The following PLPPR1 variants were observed in gnomAD, a reference collection of about 807,000 sequenced individuals.
The protein encoded by PLPPR1 is phospholipid phosphatase-related protein type 1.
PLPPR1 carries 10 observed loss-of-function variants against 33.1 expected under a neutral mutation model. The observed-to-expected ratio is 0.30, with a 90% CI of 0.19 to 0.51. PLPPR1 has a LOEUF of 0.51. Ranked by LOEUF, PLPPR1 falls within the 20% of genes least tolerant of loss-of-function variation. PLPPR1 has a pLI of 0.97. For missense variants in PLPPR1, 304 were observed against 408.1 expected (o/e 0.74, Z 2.20); for synonymous variants, 151 against 151.0 (o/e 1.00, Z 0.00).
chr9:101,140,008 G>A (rs1449085613), intron 1 of PLPPR1, among the ~76,000 whole-genome samples: 2 of 152,172 alleles, frequency 1.3e-5, no homozygotes, highest in Non-Finnish European at 2.9e-5. Context: ...AGTGGAATAA[G>A]CATCTGCCAC....
At chr9:101,293,325 G>A (rs1191559950) in intron 4 of PLPPR1, among the ~76,000 whole-genome samples, 6 of 151,602 alleles carry the variant, frequency 4.0e-5, no homozygotes, top group Non-Finnish European at 7.4e-5. Flanking sequence ...GACCTACAAG[G>A]AGACTTAGAC....
chr9:101,074,506 C>G (rs186549027), intron 1 of PLPPR1, among the ~76,000 whole-genome samples: 1 of 152,232 alleles, frequency 6.6e-6, no homozygotes, highest in African/African-American at 2.4e-5. Context: ...GAATAAGCAT[C>G]AAGGCTCTGT....
At chr9:101,029,728 G>C (rs1376018353) in intron 1 of PLPPR1, among the ~76,000 whole-genome samples, 2 of 152,160 alleles carry the variant, frequency 1.3e-5, no homozygotes, top group Admixed American at 6.5e-5. Context: ...GGTCAGTGCG[G>C]GGATAAATGA....
rs1159925949 is a variant in PLPPR1, at chr9:101,312,859, T to A, written c.698T>A (p.Leu233His). Residue 233 changes from leucine (L) to histidine (H), a missense_variant, in exon 6 of 8, where the codon CTC (leucine) becomes CAC (histidine). Physicochemically the swap from Leu to His is moderately conservative, Grantham distance 99. Coordinates refer to ENST00000374874, the MANE Select transcript of PLPPR1 (RefSeq NM_207299.2). ...CGACTGGCCAAGCCGGTGCTGTGCCTCGGAACTCTCTGCACAGCCTTCCTG... is the reference window on the plus strand; with the variant it reads ...CGACTGGCCAAGCCGGTGCTGTGCCACGGAACTCTCTGCACAGCCTTCCTG... ...SSRLAKPVLC[L>H]GTLCTAFLTG... The A allele has an allele frequency of 1.5e-5, 24 of 1,614,126 alleles. No homozygotes were observed. Among genetic ancestry groups the A allele is most frequent in the Non-Finnish European group, 2.0e-5 (24 of 1,179,996 alleles).
At chr9:101,163,115 A>G (rs1825791070) in intron 1 of PLPPR1, among the ~76,000 whole-genome samples, 1 of 152,186 alleles carries the variant, frequency 6.6e-6, no homozygotes, top group South Asian at 2.1e-4. Flanking sequence ...TAAGTAATTA[A>G]TGATCTTTTT....
chr9:101,120,166 T>C (rs1431288543), intron 1 of PLPPR1, among the ~76,000 whole-genome samples: 3 of 152,254 alleles, frequency 2.0e-5, no homozygotes, highest in East Asian at 1.9e-4. Flanking sequence ...AAAATAATCA[T>C]CTGCCACATA....
At chr9:101,125,650 CA>C (rs1243211973) in intron 1 of PLPPR1, 1 of 586,452 alleles carries the variant, frequency 1.7e-6, no homozygotes, top group Non-Finnish European at 3.2e-6. Context: ...AGTTGTTGAT[CA>C]TGGCAATTCA....
intron 2 of PLPPR1, among the ~76,000 whole-genome samples, chr9:101,215,366 G>A (rs543502617): frequency 6.6e-6 from 1 of 152,064 alleles, no homozygotes; most frequent in Non-Finnish European, 1.5e-5. Flanking sequence ...TGCAACCTCC[G>A]CCTCCCGGGT....
rs1479286575 is a variant in PLPPR1, at chr9:101,246,091, T to TAG, written c.64-23788_64-23787insGA. ...ATATATATATATATATATATATATA[T>TAG]ATATATATATATATATATAGATAGA... On this transcript the variant is annotated intron_variant, in intron 2 of 7. Transcript: ENST00000374874. Among the ~76,000 whole-genome samples, 575 of 110,028 alleles carry TAG rather than the reference T, an allele frequency of 5.2e-3. 7 individuals are homozygous for TAG. The highest frequency in any genetic ancestry group is 0.011 in the African/African-American group (366 of 32,082). The allele number at this position is 110,028 out of a possible 152,430, so 72.2% of individuals were successfully genotyped here.
rs1033618675 is a variant in PLPPR1 at position 101,185,576 on chromosome 9, C to T, written c.63+19C>T. The stretch of plus-strand genomic sequence containing the variant: ...TGTTGAGGTATGTGTATTTTTTAAC[C>T]TTTATGGACAAATTGAAATAAAAGT... On this transcript the variant is annotated intron_variant, in intron 2 of 7. Transcript: ENST00000374874. 2 of 1,499,160 alleles carry T rather than the reference C, an allele frequency of 1.3e-6. No homozygotes were observed. The highest frequency in any genetic ancestry group is 1.4e-5 in the African/African-American group (1 of 71,716). 92.9% of individuals were successfully genotyped at this position (1,499,160 alleles called of 1,614,324 possible).
chr9:101,182,712 G>A (rs1194119976), intron 1 of PLPPR1, among the ~76,000 whole-genome samples: 1 of 151,574 alleles, frequency 6.6e-6, no homozygotes, highest in East Asian at 1.9e-4. Flanking sequence ...AAATTAAAAC[G>A]TAAGCAAAAG....
intron 1 of PLPPR1, among the ~76,000 whole-genome samples, chr9:101,174,989 C>A (rs1825996690): frequency 6.6e-6 from 1 of 152,156 alleles, no homozygotes; most frequent in South Asian, 2.1e-4. Context: ...TAATGAGCTT[C>A]AAGTACATAA....
intron 1 of PLPPR1, among the ~76,000 whole-genome samples, chr9:101,142,110 C>T (rs1055826557): frequency 1.3e-5 from 2 of 152,146 alleles, no homozygotes; most frequent in African/African-American, 4.8e-5. Flanking sequence ...CAACTTTCTC[C>T]TTCACCAAGA....
chr9:101,218,269 G>C (rs1411161658), intron 2 of PLPPR1, among the ~76,000 whole-genome samples: 2 of 152,248 alleles, frequency 1.3e-5, no homozygotes, highest in African/African-American at 2.4e-5. Flanking sequence ...TAAGTGGAAA[G>C]AATAAGCAAT....
chr9:101,303,485 G>A (rs1182663579), intron 4 of PLPPR1, among the ~76,000 whole-genome samples: 1 of 152,052 alleles, frequency 6.6e-6, no homozygotes, highest in Non-Finnish European at 1.5e-5. Context: ...ATTTTTAGTA[G>A]AGACAGGATT....
chr9:101,226,393 G>A (rs889329044), intron 2 of PLPPR1, among the ~76,000 whole-genome samples: 6 of 152,222 alleles, frequency 3.9e-5, no homozygotes, highest in Non-Finnish European at 8.8e-5. Flanking sequence ...GTCACTGATT[G>A]TTCTTGTTGT....
intron 2 of PLPPR1, among the ~76,000 whole-genome samples, chr9:101,239,957 T>C (rs1165308062): frequency 6.6e-6 from 1 of 152,042 alleles, no homozygotes; most frequent in Non-Finnish European, 1.5e-5. Context: ...GACTTACCCA[T>C]AACATTTTTG....
chr9:101,098,322 G>T (rs1830847339), intron 1 of PLPPR1, among the ~76,000 whole-genome samples: 1 of 152,072 alleles, frequency 6.6e-6, no homozygotes, highest in African/African-American at 2.4e-5. Flanking sequence ...ACGAATAAAT[G>T]AGATGGGGGA....
At chr9:101,321,041 C>T (rs1223570809) in intron 7 of PLPPR1, among the ~76,000 whole-genome samples, 1 of 152,116 alleles carries the variant, frequency 6.6e-6, no homozygotes, top group East Asian at 1.9e-4. Context: ...AAGTAAATAC[C>T]CCCCTGTGAG....
Sources: gnomAD v4.1 joint callset for allele counts (sites outside exome capture counted in the v4.1 genomes callset) on GRCh38, gnomAD v4.1.1 for gene constraint, MANE v1.5 for transcripts, NCBI Gene and HGNC (gene_info 2026-07-23, HGNC 2026-07-21) for gene names.